Variants in GOLGA8K observed in about 807,000 individuals in gnomAD.
The protein encoded by GOLGA8K is golgin A8 family member K.
GOLGA8K carries 12 observed loss-of-function variants against 75.2 expected under a neutral mutation model. The ratio of observed to expected loss-of-function variants is 0.16; its 90% CI spans 0.10 to 0.26. GOLGA8K has a LOEUF of 0.26. Among genes scored for constraint, GOLGA8K ranks in the 10% least tolerant of loss-of-function variants. The pLI, the probability that GOLGA8K is intolerant of heterozygous loss-of-function variation, is 1.00. For missense variants in GOLGA8K, 109 were observed against 640.8 expected (o/e 0.17, Z 8.96); for synonymous variants, 48 against 236.6 (o/e 0.20, Z 7.32).
chr15:32,395,850 G>T lies in GOLGA8K; in HGVS notation c.1200+113C>A, dbSNP rs1351133112. ...CAGGACTGCCCTGGGGGGTGCTGTGGTCACCAGCCCCCAGGCTGGAAGCTG... is the reference window on the plus strand; with the variant it reads ...CAGGACTGCCCTGGGGGGTGCTGTGTTCACCAGCCCCCAGGCTGGAAGCTG... On this transcript the variant is annotated intron_variant, in intron 13 of 18. Coordinates refer to ENST00000512626, the MANE Select transcript of GOLGA8K (RefSeq NM_001282493.2). 41 of 1,521,378 alleles carry T rather than the reference G, an allele frequency of 2.7e-5. 4 individuals are homozygous for T. In the East Asian group the frequency reaches 9.9e-4, roughly 37 times the overall value. The allele number at this position is 1,521,378 out of a possible 1,614,324, so 94.2% of individuals were successfully genotyped here. A position where few individuals can be genotyped will look rare whatever the true frequency, so the allele number is the denominator to read the frequency against.
chr15:32,397,748 G>C (rs2054645835), intron 8 of GOLGA8K, among the ~76,000 whole-genome samples: 2 of 152,116 alleles, frequency 1.3e-5, no homozygotes, highest in Admixed American at 6.6e-5. Flanking sequence ...TGTTATTATT[G>C]TCATTATTAC....
chr15:32,394,560 G>A lies in GOLGA8K; in HGVS notation c.1276+105C>T, dbSNP rs2054581442. On this transcript the variant is annotated intron_variant, in intron 14 of 18. Transcript: ENST00000512626. ...AGTGCAGGCACCCGGTCGGCATAAT[G>A]ACCAGCTGTTCTAAAGGTCTCTTCC... The A allele has an allele frequency of 3.7e-6, 3 of 819,460 alleles. No homozygotes were observed. The African/African-American group carries it at 5.9e-5, about 16-fold the overall frequency. 50.8% of individuals were successfully genotyped at this position (819,460 alleles called of 1,614,324 possible).
At chr15:32,394,261 A>G (rs1467413557) in intron 14 of GOLGA8K, 28 bp from the exon 15 acceptor site, 2 of 1,480,652 alleles carry the variant, frequency 1.4e-6, no homozygotes, top group East Asian at 5.2e-5. Context: ...AGGGGTCTTC[A>G]GACAACCCAA....
chr15:32,394,997 A>AT (rs1477237768), intron 13 of GOLGA8K, among the ~76,000 whole-genome samples: 1 of 149,740 alleles, frequency 6.7e-6, no homozygotes, highest in African/African-American at 2.4e-5. Flanking sequence ...GACCCAGGTA[A>AT]TGGTCTGGCT....
Position 32,397,202 on chromosome 15 carries a change from C to T in GOLGA8K, c.786+1G>A. 1 of 1,342,210 alleles carries T rather than the reference C, an allele frequency of 7.5e-7. No individual in the cohort carries two copies. Among genetic ancestry groups the T allele is most frequent in the Non-Finnish European group, 1.0e-6 (1 of 959,212 alleles). The allele number at this position is 1,342,210 out of a possible 1,614,324, so 83.1% of individuals were successfully genotyped here. ...GGGGGGGCTGAAGGGTCAGATCTCACCTCCTGCGACATTTTTCTCATCCTC... is the reference window on the plus strand; with the variant it reads ...GGGGGGGCTGAAGGGTCAGATCTCATCTCCTGCGACATTTTTCTCATCCTC... On this transcript the variant is annotated splice_donor_variant, in intron 10 of 18. Transcript: ENST00000512626. LOFTEE classifies it high-confidence loss of function.
intron 13 of GOLGA8K, among the ~76,000 whole-genome samples, chr15:32,395,473 G>T (rs1229772447): frequency 7.0e-6 from 1 of 142,848 alleles, no homozygotes; most frequent in Non-Finnish European, 1.6e-5. Flanking sequence ...TCCACCTCCT[G>T]GGTTGAAGCA....
rs1320981093 is a variant in GOLGA8K, at chr15:32,395,837, G to A, written c.1200+126C>T. ...AGGAAGCAAGAAACAGGACTGCCCT[G>A]GGGGGTGCTGTGGTCACCAGCCCCC... On this transcript the variant is annotated intron_variant, in intron 13 of 18. Transcript: ENST00000512626. The A allele has an allele frequency of 3.2e-5, 48 of 1,499,988 alleles. No homozygotes were observed. In the South Asian group the frequency reaches 4.7e-4, roughly 15 times the overall value. 92.9% of individuals were successfully genotyped at this position (1,499,988 alleles called of 1,614,324 possible).
In GOLGA8K at chr15:32,397,311, C is replaced by T; in HGVS notation, c.679-1G>A. The stretch of plus-strand genomic sequence containing the variant: ...GGACTTGTTGAAAAGACTCCTTCAA[C>T]TGCAAGAATGGGCACAGAACTTAGG... On this transcript the variant is annotated splice_acceptor_variant, in intron 9 of 18. Coordinates refer to ENST00000512626, the MANE Select transcript of GOLGA8K (RefSeq NM_001282493.2). LOFTEE classifies it high-confidence loss of function. The T allele has an allele frequency of 1.3e-6, 2 of 1,577,310 alleles. No homozygotes were observed. Among genetic ancestry groups the T allele is most frequent in the Non-Finnish European group, 1.7e-6 (2 of 1,154,724 alleles).
Position 32,394,229 on chromosome 15 carries a change from G to C in GOLGA8K, c.1281C>G (p.His427Gln). The C allele has an allele frequency of 2.0e-6, 3 of 1,533,808 alleles. 1 individual carries two copies. Among genetic ancestry groups the C allele is most frequent in the South Asian group, 1.2e-5 (1 of 85,946 alleles). The change falls in exon 15 of 19, where the codon CAC becomes CAG. Residue 427 changes from histidine (H) to glutamine (Q), a missense_variant. Transcript: ENST00000512626. ...CCCCCTCACTGTCCAGATGTTCTCCGTGTCCTGTGGGGGGTGGCCAGAGGG... is the reference window on the plus strand; with the variant it reads ...CCCCCTCACTGTCCAGATGTTCTCCCTGTCCTGTGGGGGGTGGCCAGAGGG... ...LSLMALPGEGHGEHLDSEGEE... is the reference protein window; with the variant it reads ...LSLMALPGEGQGEHLDSEGEE...
At chr15:32,400,276 G>A (rs1486458964) in intron 3 of GOLGA8K, 56 bp from the exon 4 acceptor site, 1 of 996,744 alleles carries the variant, frequency 1.0e-6, no homozygotes, top group Non-Finnish European at 1.3e-6. Context: ...GAGGTAGAGA[G>A]AACAATCATT....
chr15:32,402,462 TC>T, intron 1 of GOLGA8K: 1 of 363,736 alleles, frequency 2.7e-6, no homozygotes, highest in Non-Finnish European at 3.8e-6. Flanking sequence ...CCATTCCCCT[TC>T]CAGCTGGAAA....
chr15:32,398,132 A>C (rs1189419235), intron 8 of GOLGA8K, among the ~76,000 whole-genome samples: 1 of 150,456 alleles, frequency 6.6e-6, no homozygotes, highest in Non-Finnish European at 1.5e-5. Context: ...GAACCCTTGC[A>C]GACATGTTTT....
chr15:32,397,652 A>C (rs2054643540), intron 8 of GOLGA8K, 149 bp from the exon 9 acceptor site: 1 of 1,143,856 alleles, frequency 8.7e-7, no homozygotes, highest in Admixed American at 2.0e-5. Context: ...TTTTAAAAGA[A>C]CACAGTAAAG....
At position 32,395,027 on chromosome 15, in the gene GOLGA8K, C is replaced by G. The variant is rs1366894321; in HGVS notation, c.1201-287G>C. On this transcript the variant is annotated intron_variant, in intron 13 of 18. Transcript: ENST00000512626. ...CTGGCTGCTGCTGCAGACTCTGAGC[C>G]TCTTGGCTCTTCAGCTCCACCTGCA... Among the ~76,000 whole-genome samples, 207 of 149,454 alleles carry G rather than the reference C, an allele frequency of 1.4e-3. 5 individuals carry two copies. The highest frequency in any genetic ancestry group is 0.014 in the Middle Eastern group (4 of 292).
chr15:32,397,692 T>C, intron 8 of GOLGA8K, among the ~76,000 whole-genome samples, 189 bp from the exon 9 acceptor site: 3 of 152,052 alleles, frequency 2.0e-5, no homozygotes, highest in Non-Finnish European at 4.4e-5. Flanking sequence ...AGACTGAGTT[T>C]ATAGCTGGCT....
chr15:32,400,784 AAAC>A lies in GOLGA8K; in HGVS notation c.169-326_169-324del, dbSNP rs1282331685. On this transcript the variant is annotated intron_variant, in intron 2 of 18. Coordinates refer to ENST00000512626, the MANE Select transcript of GOLGA8K (RefSeq NM_001282493.2). ...GGCCATGTACTAGGGATTAACATAA[AAAC>A]AACAATAACAAATCTCATTTAAACT... Among the ~76,000 whole-genome samples the A allele has an allele frequency of 6.3e-5, 6 of 94,654 alleles. No individual in the cohort carries two copies. In the East Asian group the frequency reaches 1.3e-3, roughly 20 times the overall value. The allele number at this position is 94,654 out of a possible 152,430, so 62.1% of individuals were successfully genotyped here.
chr15:32,397,746 T>C (rs2054645775), intron 8 of GOLGA8K, among the ~76,000 whole-genome samples: 1 of 152,272 alleles, frequency 6.6e-6, no homozygotes, highest in African/African-American at 2.4e-5. Context: ...GTTGTTATTA[T>C]TGTCATTATT....
At chr15:32,395,828 G>C (rs897101147) in intron 13 of GOLGA8K, 135 bp downstream of exon 13, 18 of 1,456,466 alleles carry the variant, frequency 1.2e-5, no homozygotes, top group African/African-American at 7.1e-5. Flanking sequence ...CAAGAAACAG[G>C]ACTGCCCTGG....
intron 13 of GOLGA8K, among the ~76,000 whole-genome samples, chr15:32,395,613 A>C (rs1432359934): frequency 4.2e-5 from 6 of 144,396 alleles, no homozygotes; most frequent in African/African-American, 1.5e-4. Flanking sequence ...CTGATCCCAA[A>C]CTCCCGACCT....
Sources: gnomAD v4.1 joint callset for allele counts (sites outside exome capture counted in the v4.1 genomes callset) on GRCh38, gnomAD v4.1.1 for gene constraint, MANE v1.5 for transcripts, NCBI Gene and HGNC (gene_info 2026-07-23, HGNC 2026-07-21) for gene names.